Variants in SDK1 observed in about 807,000 individuals in gnomAD.
SDK1 encodes sidekick cell adhesion molecule 1.
In SDK1, 157 loss-of-function variants were observed where a neutral mutation model predicts 245.5. The ratio of observed to expected loss-of-function variants is 0.64; its 90% CI spans 0.56 to 0.73. The LOEUF is 0.73. Among genes scored for constraint, SDK1 ranks in the 30% least tolerant of loss-of-function variants. The probability of loss-of-function intolerance (pLI) is 0.00; values close to 1 mark genes in which losing one functional copy is unlikely to be tolerated. For missense variants in SDK1, 3,583 were observed against 3,002.3 expected (o/e 1.19, Z -4.52); for synonymous variants, 1,647 against 1,278.5 (o/e 1.29, Z -6.15).
chr7:4,184,605 A>C (rs1287141255), intron 35 of SDK1, among the ~76,000 whole-genome samples: 1 of 152,240 alleles, frequency 6.6e-6, no homozygotes, highest in East Asian at 1.9e-4. Flanking sequence ...GGTCCCCTGA[A>C]GTTCAAATAC....
intron 21 of SDK1, 42 bp from the exon 22 acceptor site, chr7:4,079,421 C>T (rs113866667): frequency 4.4e-5 from 71 of 1,609,396 alleles, no homozygotes; most frequent in African/African-American, 2.0e-4. Flanking sequence ...TAAGCTGTGA[C>T]GGACTGTAAA....
rs1163275778 is a variant in SDK1 at position 3,346,827 on chromosome 7, A to ATTT, written c.298+44965_298+44967dup. On this transcript the variant is annotated intron_variant, in intron 1 of 44. Transcript: ENST00000404826. ...TGTGTGTATATATATATATATATAT[A>ATTT]TTTTTTTTTTTTTTTTTTTTTTTTG... is the stretch of plus-strand genomic sequence containing the variant. 1.2e-3 allele frequency among the ~76,000 whole-genome samples: 19 copies of ATTT among 16,388 alleles called. 2 individuals carry two copies. Among genetic ancestry groups the ATTT allele is most frequent in the East Asian group, 2.2e-3 (1 of 458 alleles). The allele number at this position is 16,388 out of a possible 152,430, so 10.8% of individuals were successfully genotyped here. A position where few individuals can be genotyped will look rare whatever the true frequency, so the allele number is the denominator to read the frequency against.
At chr7:3,872,822 T>C (rs1291339143) in intron 5 of SDK1, among the ~76,000 whole-genome samples, 1 of 152,120 alleles carries the variant, frequency 6.6e-6, no homozygotes, top group East Asian at 1.9e-4. Flanking sequence ...CACATAATGC[T>C]ATGCTGCTTC....
At chr7:3,317,139 C>T (rs897349027) in intron 1 of SDK1, among the ~76,000 whole-genome samples, 7 of 135,222 alleles carry the variant, frequency 5.2e-5, no homozygotes, top group African/African-American at 2.0e-4. Flanking sequence ...CATGACCGCA[C>T]CACTGCATTC....
rs184516361 is a variant in SDK1, at chr7:3,389,958, G to A, written c.298+88074G>A. ...TGTAGATATTAAAGACTGCTGGTGAGGGCTTAGAAGGAAATGAGCTTGTTA... is the reference window on the plus strand; with the variant it reads ...TGTAGATATTAAAGACTGCTGGTGAAGGCTTAGAAGGAAATGAGCTTGTTA... On this transcript the variant is annotated intron_variant, in intron 1 of 44. Transcript: ENST00000404826. Among the ~76,000 whole-genome samples the A allele has an allele frequency of 3.7e-3, 569 of 152,248 alleles. 17 individuals carry two copies. Among genetic ancestry groups the A allele is most frequent in the Admixed American group, 0.036 (549 of 15,300 alleles).
intron 1 of SDK1, among the ~76,000 whole-genome samples, chr7:3,571,667 A>T (rs1401345272): frequency 3.3e-5 from 5 of 152,062 alleles, no homozygotes; most frequent in Non-Finnish European, 5.9e-5. Context: ...TCTTTTAACG[A>T]TTATTACTAT....
intron 1 of SDK1, among the ~76,000 whole-genome samples, chr7:3,341,751 T>C (rs545848421): frequency 1.3e-5 from 2 of 152,368 alleles, no homozygotes; most frequent in African/African-American, 4.8e-5. Flanking sequence ...ATATTTGTGC[T>C]GAAAATTACA....
At chr7:4,213,203 G>C (rs563030998) in intron 38 of SDK1, among the ~76,000 whole-genome samples, 213 of 152,200 alleles carry the variant, frequency 1.4e-3, no homozygotes, top group African/African-American at 4.7e-3. Flanking sequence ...CACGAGGTCA[G>C]GAGTTCAAGA....
intron 5 of SDK1, among the ~76,000 whole-genome samples, chr7:3,864,937 C>T (rs1297428949): frequency 3.3e-5 from 5 of 152,224 alleles, no homozygotes; most frequent in Admixed American, 2.6e-4. Flanking sequence ...CACAAATCCT[C>T]CATGTTTAAC....
intron 1 of SDK1, among the ~76,000 whole-genome samples, chr7:3,567,124 G>C (rs951168776): frequency 2.6e-5 from 4 of 152,188 alleles, no homozygotes; most frequent in Non-Finnish European, 5.9e-5. Context: ...AAGGCAAGCT[G>C]CCCTTGTCGT....
Position 4,229,589 on chromosome 7 carries a change from TC to T in SDK1, c.5828-3664del, listed in dbSNP as rs137994953. Reference sequence around the variant, plus strand: ...CAGGAAGGGAGAATCATTTTTTTTTTCCTCAGGAGCAGGAAAGCATTACAGA... The same window carrying T: ...CAGGAAGGGAGAATCATTTTTTTTTTCTCAGGAGCAGGAAAGCATTACAGA... On this transcript the variant is annotated intron_variant, in intron 40 of 44. Coordinates refer to ENST00000404826, the MANE Select transcript of SDK1 (RefSeq NM_152744.4). 4.6e-3 allele frequency among the ~76,000 whole-genome samples: 697 copies of T among 152,304 alleles called. 2 individuals are homozygous for T. The highest frequency in any genetic ancestry group is 0.016 in the African/African-American group (674 of 41,562).
chr7:3,338,389 A>G (rs1410437769), intron 1 of SDK1: 1 of 528,638 alleles, frequency 1.9e-6, no homozygotes, highest in Non-Finnish European at 3.6e-6. Context: ...AAGAGAACTA[A>G]TGTGCGTGTT....
At chr7:3,304,916 C>CT (rs1363785060) in intron 1 of SDK1, among the ~76,000 whole-genome samples, 1 of 152,154 alleles carries the variant, frequency 6.6e-6, no homozygotes, top group East Asian at 1.9e-4. Flanking sequence ...CATCAGGATG[C>CT]TGAGACACCC....
At chr7:4,087,751 C>T (rs1257143050) in intron 22 of SDK1, among the ~76,000 whole-genome samples, 2 of 152,140 alleles carry the variant, frequency 1.3e-5, no homozygotes, top group Non-Finnish European at 2.9e-5. Flanking sequence ...TCAGACAGAC[C>T]TGGTTCCCCC....
intron 1 of SDK1, among the ~76,000 whole-genome samples, chr7:3,599,127 G>A (rs1165468770): frequency 2.2e-5 from 3 of 138,172 alleles, no homozygotes; most frequent in East Asian, 2.2e-4. Flanking sequence ...CATCCTCACC[G>A]GCATCTGGCG....
intron 5 of SDK1, among the ~76,000 whole-genome samples, chr7:3,892,507 T>A (rs551012877): frequency 6.6e-6 from 1 of 152,192 alleles, no homozygotes; most frequent in South Asian, 2.1e-4. Context: ...AAGCCCAAGG[T>A]TAATGGGGTG....
At chr7:3,637,001 A>G (rs4722980) in intron 2 of SDK1, among the ~76,000 whole-genome samples, 95,643 of 151,698 alleles carry the variant, frequency 0.63, 30,459 homozygotes, top group South Asian at 0.77. Flanking sequence ...TCTGTCTAGT[A>G]TCTTTGCCTT....
intron 1 of SDK1, among the ~76,000 whole-genome samples, chr7:3,386,242 A>C (rs1349046647): frequency 6.6e-6 from 1 of 152,236 alleles, no homozygotes. Context: ...AAAGATGTGC[A>C]AGATTTGGTT....
intron 4 of SDK1, among the ~76,000 whole-genome samples, chr7:3,806,974 C>A (rs912999325): frequency 1.3e-5 from 2 of 152,102 alleles, no homozygotes. Flanking sequence ...CAGACTTTCT[C>A]AAAACGGCCC....
Sources: allele counts gnomAD v4.1 joint callset (sites outside exome capture counted in the v4.1 genomes callset), GRCh38; gene constraint gnomAD v4.1.1; transcripts MANE v1.5; gene names NCBI Gene and HGNC (gene_info 2026-07-23, HGNC 2026-07-21).